RBL1: variants seen among roughly 807,000 people sequenced by gnomAD.
RBL1 encodes the protein retinoblastoma-like protein 1.
In RBL1, 82 loss-of-function variants were observed where a neutral mutation model predicts 123.0. The observed-to-expected ratio is 0.67, with a 90% CI of 0.56 to 0.80. RBL1 has a LOEUF of 0.80. Ranked by LOEUF, RBL1 falls within the 30% of genes least tolerant of loss-of-function variation. The pLI is 0.00. For missense variants in RBL1, 1,171 were observed against 1,299.6 expected, an observed-to-expected ratio of 0.90 and a Z score of 1.52; for synonymous variants, 405 against 441.3, an observed-to-expected ratio of 0.92 and a Z score of 1.03.
At chr20:37,053,841 T>C (rs2064960147) in intron 11 of RBL1, among the ~76,000 whole-genome samples, 2 of 152,302 alleles carry the variant, frequency 1.3e-5, no homozygotes, top group South Asian at 4.1e-4. Flanking sequence ...AAACATATCC[T>C]GGGCTACAAT....
At chr20:37,045,773 A>G (rs1384709315) in intron 12 of RBL1, among the ~76,000 whole-genome samples, 1 of 152,198 alleles carries the variant, frequency 6.6e-6, no homozygotes. Flanking sequence ...TACTTTAATC[A>G]CACTCAGTAA....
At chr20:37,034,212 C>A (rs2064565930) in intron 15 of RBL1, among the ~76,000 whole-genome samples, 2 of 152,078 alleles carry the variant, frequency 1.3e-5, no homozygotes, top group Non-Finnish European at 2.9e-5. Context: ...GCTGGGATTA[C>A]AGGTGAAAGC....
At chr20:37,095,630 C>A in intron 1 of RBL1, 143 bp downstream of exon 1, 1 of 657,608 alleles carries the variant, frequency 1.5e-6, no homozygotes, top group Non-Finnish European at 2.4e-6. Flanking sequence ...GCTACACCCA[C>A]CTTTCCCGCC....
chr20:37,062,043 A>C (rs1388298893), intron 8 of RBL1, 41 bp downstream of exon 8: 1 of 1,553,920 alleles, frequency 6.4e-7, no homozygotes, highest in East Asian at 2.3e-5. Flanking sequence ...CACAGAGAGA[A>C]AAAGATCATT....
chr20:37,072,456 CGCACCA>C, intron 2 of RBL1, among the ~76,000 whole-genome samples: 1 of 151,932 alleles, frequency 6.6e-6, no homozygotes, highest in Admixed American at 6.6e-5. Context: ...GAGCTGAGAT[CGCACCA>C]TTGCACTCCA....
chr20:37,067,678 G>A (rs1397890979), intron 3 of RBL1, among the ~76,000 whole-genome samples: 2 of 147,872 alleles, frequency 1.4e-5, no homozygotes, highest in Non-Finnish European at 3.0e-5. Flanking sequence ...GCTAAGGTAG[G>A]AGAATTGCTT....
intron 20 of RBL1, among the ~76,000 whole-genome samples, chr20:37,006,700 TGTG>T (rs1052012789): frequency 6.9e-6 from 1 of 145,964 alleles, no homozygotes; most frequent in Non-Finnish European, 1.5e-5. Flanking sequence ...ATTAGCCAGG[TGTG>T]GTGACACACT....
chr20:37,007,399 CAT>C lies in RBL1; in HGVS notation c.2871+10_2871+11del, dbSNP rs1395128746. 1 of 1,609,874 alleles carries C rather than the reference CAT, an allele frequency of 6.2e-7. No homozygotes were observed. The highest frequency in any genetic ancestry group is 1.7e-5 in the Admixed American group (1 of 59,196). On this transcript the variant is annotated intron_variant, in intron 20 of 21. Transcript: ENST00000373664. ...AGCAAATAATAATAAAGTAGTAAAACATAGAACATACCATATGGTCCTGATTC... is the reference window on the plus strand; with the variant it reads ...AGCAAATAATAATAAAGTAGTAAAACAGAACATACCATATGGTCCTGATTC...
chr20:37,071,199 G>A (rs370728762), intron 2 of RBL1, among the ~76,000 whole-genome samples: 18 of 152,150 alleles, frequency 1.2e-4, no homozygotes, highest in African/African-American at 4.3e-4. Context: ...TCGGCCCTAT[G>A]TTCTGATTAT....
At chr20:37,079,401 T>C (rs1374830332) in intron 2 of RBL1, among the ~76,000 whole-genome samples, 1 of 151,984 alleles carries the variant, frequency 6.6e-6, no homozygotes, top group Middle Eastern at 3.4e-3. Context: ...ATCTGGGATA[T>C]AGATACTTAG....
At chr20:37,066,911 A>G (rs777511310) in intron 5 of RBL1, 27 bp from the exon 6 acceptor site, 3 of 1,603,340 alleles carry the variant, frequency 1.9e-6, no homozygotes, top group Non-Finnish European at 2.6e-6. Context: ...GGAAGGGCAG[A>G]GGGAAAAAAA....
chr20:37,049,173 G>A (rs1207770384), intron 11 of RBL1: 3 of 309,042 alleles, frequency 9.7e-6, no homozygotes, highest in Non-Finnish European at 1.2e-5. Context: ...CTGCACTCCA[G>A]CCAGGGTGAC....
At chr20:37,015,653 A>C (rs2064238296) in intron 19 of RBL1, among the ~76,000 whole-genome samples, 1 of 152,022 alleles carries the variant, frequency 6.6e-6, no homozygotes, top group Non-Finnish European at 1.5e-5. Context: ...GATGGTCTGG[A>C]TCTCCTGACC....
chr20:37,032,918 T>C (rs1298278015), intron 15 of RBL1, 42 bp from the exon 16 acceptor site: 2 of 1,606,288 alleles, frequency 1.2e-6, no homozygotes, highest in Non-Finnish European at 1.7e-6. Flanking sequence ...GCATATGTTC[T>C]AGGAAAGTTG....
chr20:37,047,848 C>CGCGT (rs756680877), intron 11 of RBL1, among the ~76,000 whole-genome samples: 11 of 151,880 alleles, frequency 7.2e-5, no homozygotes, highest in Non-Finnish European at 1.2e-4. Context: ...GGTGTGGTGG[C>CGCGT]GCGTGCCTGT....
rs1390236628 is a variant in RBL1 at position 37,007,555 on chromosome 20, T to TACAAA, written c.2726_2727insTTTGT (p.Leu909PhefsTer3). On this transcript the variant is annotated frameshift_variant, in exon 20 of 22. Coordinates refer to ENST00000373664, the MANE Select transcript of RBL1 (RefSeq NM_002895.5). LOFTEE classifies it high-confidence loss of function. ...AGTCAGGTGTTTTTGTAGCATCTTC[T>TACAAA]AAGTCTGTTAAAAAGAATGCAATGT... 1 of 1,611,492 alleles carries TACAAA rather than the reference T, an allele frequency of 6.2e-7. No homozygotes were observed. Among genetic ancestry groups the TACAAA allele is most frequent in the Non-Finnish European group, 8.5e-7 (1 of 1,179,426 alleles).
At chr20:37,067,766 C>CAAAAAAAAAAAAAAAAAAA (rs1168742059) in intron 3 of RBL1, among the ~76,000 whole-genome samples, 2 of 62,686 alleles carry the variant, frequency 3.2e-5, no homozygotes, top group African/African-American at 5.3e-5. Flanking sequence ...TGAGACTCCT[C>CAAAAAAAAAAAAAAAAAAA]AAAAAAAAAA....
At chr20:37,047,962 A>G (rs983477768) in intron 11 of RBL1, among the ~76,000 whole-genome samples, 3 of 152,216 alleles carry the variant, frequency 2.0e-5, no homozygotes, top group Non-Finnish European at 4.4e-5. Flanking sequence ...ACTGGGCGAC[A>G]CAGCGAGACT....
intron 6 of RBL1, 137 bp from the exon 7 acceptor site, chr20:37,065,610 G>A (rs2065166079): frequency 1.8e-6 from 1 of 563,956 alleles, no homozygotes; most frequent in African/African-American, 1.9e-5. Flanking sequence ...TTTCAGACTA[G>A]GATAAACTAT....
Sources: allele counts gnomAD v4.1 joint callset (sites outside exome capture counted in the v4.1 genomes callset), GRCh38; gene constraint gnomAD v4.1.1; transcripts MANE v1.5; gene names NCBI Gene and HGNC (gene_info 2026-07-23, HGNC 2026-07-21).